Variants in RAB3GAP1 observed in about 807,000 individuals in gnomAD.
RAB3GAP1 encodes RAB3 GTPase activating protein catalytic subunit 1.
RAB3GAP1 carries 86 observed loss-of-function variants against 130.7 expected under a neutral mutation model. The ratio of observed to expected loss-of-function variants is 0.66; its 90% CI spans 0.55 to 0.79. RAB3GAP1 has a LOEUF of 0.79. Ranked by LOEUF, RAB3GAP1 falls within the 30% of genes least tolerant of loss-of-function variation. The pLI is 0.00. For synonymous variants in RAB3GAP1, 367 were observed against 401.7 expected (o/e 0.91, Z 1.03); for missense variants, 1,029 against 1,169.4 (o/e 0.88, Z 1.75).
intron 3 of RAB3GAP1, 160 bp downstream of exon 3, chr2:135,058,246 G>A (rs1430818290): frequency 1.5e-6 from 1 of 667,396 alleles, no homozygotes; most frequent in East Asian, 2.9e-5. Context: ...ATTTAAATCT[G>A]TGGCAAATGA....
In RAB3GAP1 at chr2:135,163,002, TTAC is replaced by T. The variant is rs1443307956; in HGVS notation, c.2510_2512del (p.Thr837del). 1.9e-6 allele frequency: 3 copies of T among 1,613,574 alleles called. No homozygotes were observed. In the Admixed American group the frequency reaches 5.0e-5, roughly 27 times the overall value. ...TACCGCCAGGAAATCATTCACCAGA[TTAC>T]TAATGTGGAAGCTCTCATTGCCAGA... On this transcript the variant is annotated inframe_deletion, in exon 22 of 24. Coordinates refer to ENST00000264158, the MANE Select transcript of RAB3GAP1 (RefSeq NM_012233.3).
chr2:135,142,917 T>C (rs1691886902), intron 17 of RAB3GAP1, among the ~76,000 whole-genome samples: 1 of 151,660 alleles, frequency 6.6e-6, no homozygotes, highest in Non-Finnish European at 1.5e-5. Flanking sequence ...TTTATATTCA[T>C]ATGTCAGAGG....
chr2:135,059,850 A>G (rs1473746148), intron 3 of RAB3GAP1, among the ~76,000 whole-genome samples: 1 of 152,200 alleles, frequency 6.6e-6, no homozygotes, highest in Non-Finnish European at 1.5e-5. Context: ...AATAAGATAC[A>G]GAAAATATGG....
At chr2:135,074,287 C>T (rs1389450965) in intron 3 of RAB3GAP1, among the ~76,000 whole-genome samples, 3 of 152,174 alleles carry the variant, frequency 2.0e-5, no homozygotes, top group African/African-American at 7.2e-5. Flanking sequence ...TTCTGCCTGC[C>T]AGTTATGCCA....
At chr2:135,131,314 C>G (rs71417555) in intron 13 of RAB3GAP1, among the ~76,000 whole-genome samples, 5 of 152,160 alleles carry the variant, frequency 3.3e-5, no homozygotes, top group African/African-American at 1.2e-4. Context: ...CAACCTCCAC[C>G]TCCTGGGTTC....
chr2:135,091,048 T>C lies in RAB3GAP1; in HGVS notation c.201T>C (p.Phe67=). 4.3e-6 allele frequency: 7 copies of C among 1,611,442 alleles called. No homozygotes were observed. Among genetic ancestry groups the C allele is most frequent in the Non-Finnish European group, 5.9e-6 (7 of 1,177,778 alleles). The change falls in exon 4 of 24, where the codon TTT becomes TTC. Residue 67 remains phenylalanine, a synonymous_variant. Coordinates refer to ENST00000264158, the MANE Select transcript of RAB3GAP1 (RefSeq NM_012233.3). The part of the protein sequence containing the change: ...TWEEKSDEIS[F]ADFKFSVTHH... ...AAGAGAAATCAGATGAAATTTCCTT[T>C]GCTGACTTCAAGTTCTCAGTCACTC...
Position 135,133,878 on chromosome 2 carries a change from C to A in RAB3GAP1, c.1344C>A (p.Phe448Leu). The stretch of plus-strand genomic sequence containing the variant: ...AAATTTAGAATCTCTACAATCAGTT[C>A]AAGTCTGCACCATCTGACAGTTTAA... ...ESEDYNLYNQ[F>L]KSAPSDSLTY... The change falls in exon 15 of 24, where the codon TTC becomes TTA. Residue 448 changes from phenylalanine (F) to leucine (L), a missense_variant. Physicochemically the swap from Phe to Leu is conservative, Grantham distance 22. Around this residue, in one of 3 missense-constraint regions of RAB3GAP1, gnomAD observed 510 missense variants for 532.1 expected, o/e 0.96. Transcript: ENST00000264158. 6.2e-7 allele frequency: 1 copy of A among 1,613,578 alleles called. No individual in the cohort carries two copies. Among genetic ancestry groups the A allele is most frequent in the Non-Finnish European group, 8.5e-7 (1 of 1,179,588 alleles).
At chr2:135,087,827 T>C (rs1690028910) in intron 3 of RAB3GAP1, among the ~76,000 whole-genome samples, 1 of 152,206 alleles carries the variant, frequency 6.6e-6, no homozygotes, top group Non-Finnish European at 1.5e-5. Context: ...CAGTTTTCTT[T>C]TAAATCTATA....
intron 13 of RAB3GAP1, 52 bp downstream of exon 13, chr2:135,130,773 T>C: frequency 6.6e-7 from 1 of 1,514,348 alleles, no homozygotes; most frequent in South Asian, 1.1e-5. Flanking sequence ...ATTTATTCAT[T>C]ATATAGCCAG....
chr2:135,173,669 T>G (rs116723767), downstream of RAB3GAP1, among the ~76,000 whole-genome samples: 392 of 152,032 alleles, frequency 2.6e-3, 2 homozygotes, highest in African/African-American at 8.9e-3. Context: ...CCAAACCAGG[T>G]GGGGTTTGGG....
chr2:135,117,841 CT>C (rs1204506375), intron 7 of RAB3GAP1, among the ~76,000 whole-genome samples: 4 of 150,494 alleles, frequency 2.7e-5, no homozygotes, highest in African/African-American at 9.8e-5. Context: ...CTTTCTTCTT[CT>C]TCTTTCTTCT....
chr2:135,106,231 C>T (rs1433596124), intron 5 of RAB3GAP1, among the ~76,000 whole-genome samples: 1 of 152,194 alleles, frequency 6.6e-6, no homozygotes, highest in Non-Finnish European at 1.5e-5. Flanking sequence ...GCCCCTCTGC[C>T]TGGCCGCCAC....
chr2:135,122,443 G>A (rs13410870), intron 8 of RAB3GAP1, among the ~76,000 whole-genome samples: 47,155 of 151,944 alleles, frequency 0.31, 11,053 homozygotes, highest in African/African-American at 0.64. Flanking sequence ...TGGTCTGCTC[G>A]TGATCTGTGA....
intron 8 of RAB3GAP1, 99 bp from the exon 9 acceptor site, chr2:135,124,066 T>G (rs1691276276): frequency 1.7e-6 from 2 of 1,160,222 alleles, no homozygotes; most frequent in African/African-American, 3.1e-5. Context: ...TGTGTTCTCT[T>G]GCAGACACTT....
At chr2:135,154,821 AAG>A (rs1438272984) in intron 19 of RAB3GAP1, among the ~76,000 whole-genome samples, 8 of 152,114 alleles carry the variant, frequency 5.3e-5, no homozygotes, top group Non-Finnish European at 7.4e-5. Context: ...AAAAGGAAAT[AAG>A]AGGGGAAAAT....
intron 7 of RAB3GAP1, among the ~76,000 whole-genome samples, chr2:135,116,210 A>G (rs557792289): frequency 6.6e-6 from 1 of 152,212 alleles, no homozygotes; most frequent in Admixed American, 6.5e-5. Context: ...CTTAAGTGAG[A>G]TAGTGGCAGC....
intron 17 of RAB3GAP1, among the ~76,000 whole-genome samples, chr2:135,145,350 C>G (rs1193456514): frequency 6.6e-6 from 1 of 151,830 alleles, no homozygotes; most frequent in African/African-American, 2.4e-5. Context: ...CTGTTTGTAT[C>G]CATTAGCTAA....
chr2:135,084,643 G>A (rs1222724725), intron 3 of RAB3GAP1, among the ~76,000 whole-genome samples: 1 of 151,956 alleles, frequency 6.6e-6, no homozygotes, highest in Non-Finnish European at 1.5e-5. Flanking sequence ...GTATGTTACT[G>A]GTTAACATAC....
intron 3 of RAB3GAP1, among the ~76,000 whole-genome samples, chr2:135,079,126 C>T (rs1002513004): frequency 3.3e-5 from 5 of 152,164 alleles, no homozygotes; most frequent in African/African-American, 4.8e-5. Flanking sequence ...GCCTCAGCCT[C>T]CCACAGTGCT....
Sources: allele counts gnomAD v4.1 joint callset (sites outside exome capture counted in the v4.1 genomes callset), GRCh38; gene constraint gnomAD v4.1.1; regional missense constraint gnomAD v4.1.1; transcripts MANE v1.5; gene names NCBI Gene and HGNC (gene_info 2026-07-23, HGNC 2026-07-21).